Variants in CADM2 observed in about 807,000 individuals in gnomAD.
CADM2 encodes the protein immunoglobulin superfamily member 4D.
Under a neutral mutation model 49.8 loss-of-function variants are expected in CADM2, and 12 were observed. The observed-to-expected ratio is 0.24, with a 90% CI of 0.15 to 0.39. The LOEUF is 0.39. CADM2 is among the 10% of genes least tolerant of loss of function. The pLI, the probability that CADM2 is intolerant of heterozygous loss-of-function variation, is 1.00. For missense variants in CADM2, 378 were observed against 492.3 expected (o/e 0.77, Z 2.20); for synonymous variants, 214 against 175.4 (o/e 1.22, Z -1.74).
chr3:85,220,783 A>G (rs975770049), intron 1 of CADM2, among the ~76,000 whole-genome samples: 11 of 150,430 alleles, frequency 7.3e-5, no homozygotes, highest in African/African-American at 2.2e-4. Context: ...AGAAGTTCCA[A>G]TTGAGGAAGA....
chr3:85,746,544 C>A (rs1427057958), intron 2 of CADM2, among the ~76,000 whole-genome samples: 2 of 152,068 alleles, frequency 1.3e-5, no homozygotes, highest in Non-Finnish European at 2.9e-5. Flanking sequence ...TCCTCCTTTT[C>A]TTTTTCTCTT....
At chr3:85,894,086 TGG>T (rs1239822698) in intron 5 of CADM2, among the ~76,000 whole-genome samples, 1 of 152,162 alleles carries the variant, frequency 6.6e-6, no homozygotes, top group Non-Finnish European at 1.5e-5. Flanking sequence ...AGCAAAGACT[TGG>T]AACCAAGCCA....
chr3:85,387,587 T>C (rs2034301662), intron 1 of CADM2, among the ~76,000 whole-genome samples: 1 of 152,230 alleles, frequency 6.6e-6, no homozygotes, highest in East Asian at 1.9e-4. Flanking sequence ...TGCAGGCAGT[T>C]CTCTGAAATG....
chr3:85,044,188 G>A (rs2035557422), intron 1 of CADM2, among the ~76,000 whole-genome samples: 1 of 152,148 alleles, frequency 6.6e-6, no homozygotes, highest in Non-Finnish European at 1.5e-5. Flanking sequence ...AAGATGAATA[G>A]ATTCTAAAAT....
intron 1 of CADM2, among the ~76,000 whole-genome samples, chr3:85,637,951 T>G (rs2064568581): frequency 6.6e-6 from 1 of 152,188 alleles, no homozygotes; most frequent in South Asian, 2.1e-4. Context: ...CACAATCTGA[T>G]GTTTAATGCT....
chr3:85,241,849 A>G (rs1406104115), intron 1 of CADM2, among the ~76,000 whole-genome samples: 5 of 151,538 alleles, frequency 3.3e-5, no homozygotes, highest in Admixed American at 6.6e-5. Context: ...TCTGTTAAGG[A>G]AAAGGTAGAG....
intron 8 of CADM2, chr3:86,012,685 C>A: frequency 1.6e-6 from 2 of 1,279,948 alleles, no homozygotes; most frequent in Non-Finnish European, 2.3e-6. Context: ...GGAGAGCTGA[C>A]TTAGAAGATA....
At chr3:85,153,352 C>A (rs2039994056) in intron 1 of CADM2, among the ~76,000 whole-genome samples, 1 of 152,214 alleles carries the variant, frequency 6.6e-6, no homozygotes, top group Non-Finnish European at 1.5e-5. Context: ...TGGGTCACTG[C>A]CACCCGAATA....
chr3:85,898,303 A>G (rs190514000), intron 5 of CADM2, among the ~76,000 whole-genome samples: 5 of 152,102 alleles, frequency 3.3e-5, no homozygotes, highest in Middle Eastern at 3.2e-3. Context: ...ATAATTGACA[A>G]AAATCAATAT....
At chr3:85,805,112 T>C (rs1053981247) in intron 3 of CADM2, among the ~76,000 whole-genome samples, 1 of 152,064 alleles carries the variant, frequency 6.6e-6, no homozygotes, top group Non-Finnish European at 1.5e-5. Flanking sequence ...AGCTAATTTT[T>C]TTTGTATTTT....
intron 1 of CADM2, among the ~76,000 whole-genome samples, chr3:85,532,780 G>A (rs957038550): frequency 6.6e-6 from 1 of 152,134 alleles, no homozygotes; most frequent in African/African-American, 2.4e-5. Flanking sequence ...GTGATAGACT[G>A]GATAAAGAAA....
At chr3:85,066,171 T>C (rs1451056030) in intron 1 of CADM2, among the ~76,000 whole-genome samples, 1 of 152,060 alleles carries the variant, frequency 6.6e-6, no homozygotes, top group Non-Finnish European at 1.5e-5. Flanking sequence ...GGTGCCTTCA[T>C]CATAATTTTG....
intron 1 of CADM2, among the ~76,000 whole-genome samples, chr3:85,537,600 A>G (rs1320701450): frequency 6.6e-6 from 1 of 150,904 alleles, no homozygotes; most frequent in Non-Finnish European, 1.5e-5. Flanking sequence ...TGGTGATTGT[A>G]GATTATGCTA....
At chr3:85,735,797 T>C (rs773164958) in intron 2 of CADM2, among the ~76,000 whole-genome samples, 2 of 152,108 alleles carry the variant, frequency 1.3e-5, no homozygotes, top group South Asian at 4.1e-4. Context: ...AAGTTACATT[T>C]ACAAGATCGA....
intron 1 of CADM2, among the ~76,000 whole-genome samples, chr3:85,548,482 A>G (rs1247285290): frequency 1.3e-5 from 2 of 151,962 alleles, no homozygotes; most frequent in Admixed American, 6.6e-5. Context: ...TTAATTATTT[A>G]GAGGTTTCAA....
intron 1 of CADM2, among the ~76,000 whole-genome samples, chr3:85,540,282 C>T (rs1457824699): frequency 1.3e-5 from 2 of 152,022 alleles, no homozygotes; most frequent in African/African-American, 4.8e-5. Context: ...GACAAACACA[C>T]CAGAGCCTCT....
In CADM2 at chr3:85,176,697, C is replaced by A. The variant is rs376978624; in HGVS notation, c.61+217029C>A. Among the ~76,000 whole-genome samples the A allele has an allele frequency of 5.9e-5, 9 of 152,128 alleles. No individual in the cohort carries two copies. In the East Asian group the frequency reaches 1.7e-3, roughly 29 times the overall value. On this transcript the variant is annotated intron_variant, in intron 1 of 9. Coordinates refer to ENST00000383699, the MANE Select transcript of CADM2 (RefSeq NM_001167675.2). ...AAGAGAGAAACTAATCACCCTGTCC[C>A]TGACTAATGCTCTGTAGGCTTTTGG...
intron 1 of CADM2, among the ~76,000 whole-genome samples, chr3:85,602,134 T>C (rs7615801): frequency 0.02 from 3,094 of 151,950 alleles, 50 homozygotes; most frequent in Middle Eastern, 0.044. Context: ...GGTCTGTTGA[T>C]GCTACAAAGG....
intron 8 of CADM2, among the ~76,000 whole-genome samples, chr3:85,994,877 G>GAT (rs1729176456): frequency 6.6e-6 from 1 of 151,986 alleles, no homozygotes; most frequent in South Asian, 2.1e-4. Context: ...CACTGTAACA[G>GAT]ATATAGTAAT....
Sources: gnomAD v4.1 joint callset for allele counts (sites outside exome capture counted in the v4.1 genomes callset) on GRCh38, gnomAD v4.1.1 for gene constraint, MANE v1.5 for transcripts, NCBI Gene and HGNC (gene_info 2026-07-23, HGNC 2026-07-21) for gene names.